LRP2: variants seen among roughly 807,000 people sequenced by gnomAD.
LRP2 encodes the protein low-density lipoprotein receptor-related protein 2.
Under a neutral mutation model 531.0 loss-of-function variants are expected in LRP2, and 172 were observed. The ratio of observed to expected loss-of-function variants is 0.32; its 90% CI spans 0.29 to 0.37. The LOEUF (loss-of-function observed/expected upper bound fraction) is 0.37. Ranked by LOEUF, LRP2 falls within the 10% of genes least tolerant of loss-of-function variation. The pLI is 1.00. For missense variants in LRP2, 5,167 were observed against 5,868.3 expected (o/e 0.88, Z 3.90); for synonymous variants, 1,992 against 2,027.6 (o/e 0.98, Z 0.47).
intron 9 of LRP2, among the ~76,000 whole-genome samples, chr2:169,288,366 G>C (rs905973928): frequency 6.6e-6 from 1 of 152,172 alleles, no homozygotes; most frequent in South Asian, 2.1e-4. Context: ...GGAGAGATAT[G>C]AGGAAATAGT....
intron 16 of LRP2, among the ~76,000 whole-genome samples, chr2:169,264,889 C>T (rs949015437): frequency 3.9e-5 from 6 of 152,010 alleles, no homozygotes; most frequent in African/African-American, 1.4e-4. Flanking sequence ...GGAGCTGAAG[C>T]AGAATGGCTA....
At position 169,202,958 on chromosome 2, in the gene LRP2, A is replaced by T. The variant is rs1431831220; in HGVS notation, c.8007T>A (p.Gly2669=). The change falls in exon 43 of 79, where the codon GGT becomes GGA. Residue 2669 remains glycine, a splice_region_variant and synonymous_variant. Transcript: ENST00000649046. ...GACACTGGCACTCGGCACCATTTGG[A>T]CCTGAAGAAAGATAATCCCAGAAGA... ...NGGCSHICAP[G]PNGAECQCPH... 1.2e-6 allele frequency: 2 copies of T among 1,614,014 alleles called. No homozygotes were observed.
Position 169,362,301 on chromosome 2 carries a change from G to A in LRP2, c.79+20C>T. ...CCGGGGAAGTGGGGGCTCCACGAGA[G>A]GCTCTGGCTGGGCTCTTACCTTGGC... On this transcript the variant is annotated intron_variant, in intron 1 of 78. Transcript: ENST00000649046. The A allele has an allele frequency of 1.3e-6, 2 of 1,546,668 alleles. No homozygotes were observed. Among genetic ancestry groups the A allele is most frequent in the Non-Finnish European group, 1.7e-6 (2 of 1,143,740 alleles).
At chr2:169,287,490 T>A (rs566579665) in intron 9 of LRP2, among the ~76,000 whole-genome samples, 1 of 152,258 alleles carries the variant, frequency 6.6e-6, no homozygotes, top group Admixed American at 6.5e-5. Context: ...AAATCTAATT[T>A]TTTTTGGCAT....
At chr2:169,349,203 G>T (rs541049565) in intron 1 of LRP2, among the ~76,000 whole-genome samples, 2 of 152,072 alleles carry the variant, frequency 1.3e-5, no homozygotes, top group Non-Finnish European at 2.9e-5. Flanking sequence ...GGTGGTAAGC[G>T]CAATGGAGAA....
intron 64 of LRP2, 113 bp downstream of exon 64, chr2:169,157,258 G>C: frequency 8.9e-7 from 1 of 1,121,162 alleles, no homozygotes; most frequent in Non-Finnish European, 1.3e-6. Flanking sequence ...ATGAAACCAT[G>C]AGTATGGTAC....
At chr2:169,272,881 A>G (rs763388118) in intron 15 of LRP2, 46 bp downstream of exon 15, 82 of 1,611,460 alleles carry the variant, frequency 5.1e-5, no homozygotes, top group Non-Finnish European at 6.3e-5. Context: ...TTGGACACAC[A>G]TACACCTGTG....
chr2:169,347,859 C>CA (rs1685736381), intron 1 of LRP2, among the ~76,000 whole-genome samples: 2 of 152,020 alleles, frequency 1.3e-5, no homozygotes, highest in South Asian at 2.1e-4. Context: ...CCAAGAGTAG[C>CA]AAAAAAATGT....
At chr2:169,362,278 G>C (rs1388955449) in intron 1 of LRP2, 43 bp downstream of exon 1, 2 of 1,497,022 alleles carry the variant, frequency 1.3e-6, no homozygotes, top group Admixed American at 3.9e-5. Context: ...TGCCACAGCC[G>C]GGGAAGTGGG....
intron 63 of LRP2, among the ~76,000 whole-genome samples, chr2:169,160,690 A>AAGAC: frequency 6.8e-6 from 1 of 147,192 alleles, no homozygotes; most frequent in African/African-American, 2.5e-5. Context: ...CTTAAAAAAA[A>AAGAC]AAAAACCTGC....
intron 1 of LRP2, among the ~76,000 whole-genome samples, chr2:169,346,368 T>C (rs1370555199): frequency 1.3e-5 from 2 of 152,226 alleles, no homozygotes; most frequent in African/African-American, 4.8e-5. Context: ...GCAAATTCTT[T>C]CAACACTTCA....
chr2:169,177,706 C>T lies in LRP2; in HGVS notation c.10393+97G>A, dbSNP rs72874761. ...TTGAAGAAAACACTAACAAGTGCAA[C>T]AAACTTTTTGTAAATCACGAAGTTC... On this transcript the variant is annotated intron_variant, in intron 53 of 78. Coordinates refer to ENST00000649046, the MANE Select transcript of LRP2 (RefSeq NM_004525.3). The T allele has an allele frequency of 0.016, 17,424 of 1,080,076 alleles. 196 individuals carry two copies. The highest frequency in any genetic ancestry group is 0.039 in the Middle Eastern group (194 of 5,000). 66.9% of individuals were successfully genotyped at this position (1,080,076 alleles called of 1,614,324 possible).
At chr2:169,263,104 T>A (rs952507086) in intron 16 of LRP2, among the ~76,000 whole-genome samples, 1 of 152,172 alleles carries the variant, frequency 6.6e-6, no homozygotes, top group African/African-American at 2.4e-5. Flanking sequence ...TCAAGATGGC[T>A]TAAAGACTTA....
chr2:169,147,635 T>G (rs915411083), intron 68 of LRP2, among the ~76,000 whole-genome samples: 2 of 152,174 alleles, frequency 1.3e-5, no homozygotes, highest in Non-Finnish European at 2.9e-5. Flanking sequence ...TAAATATGTC[T>G]TTTGCATCCA....
chr2:169,246,693 A>G lies in LRP2; in HGVS notation c.3190+12T>C, dbSNP rs1690018288. On this transcript the variant is annotated intron_variant, in intron 21 of 78. Transcript: ENST00000649046. ...TCATCCCAGGAAATATCGCCAGTGC[A>G]TAGCTACTTACTAAGTGTGCCACAT... 1.9e-6 allele frequency: 3 copies of G among 1,614,150 alleles called. No individual in the cohort carries two copies. Among genetic ancestry groups the G allele is most frequent in the African/African-American group, 2.7e-5 (2 of 75,062 alleles).
At position 169,209,460 on chromosome 2, in the gene LRP2, C is replaced by T. The variant is rs748992804; in HGVS notation, c.6462G>A (p.Trp2154Ter). The T allele has an allele frequency of 3.1e-6, 5 of 1,613,862 alleles. No individual in the cohort carries two copies. The highest frequency in any genetic ancestry group is 4.2e-6 in the Non-Finnish European group (5 of 1,179,822). The change falls in exon 38 of 79, where the codon TGG (tryptophan) becomes TGA (stop). Residue 2154 changes from tryptophan to a stop codon, truncating the protein, a stop_gained. Transcript: ENST00000649046. LOFTEE classifies it high-confidence loss of function. ...ENGVRGIAVD[W>*]VAGNLYFTNA... is the part of the protein sequence containing the mutation. ...ACCATATAGCTTACATACCTGCTAC[C>T]CAATCCACTGCAATACCCCGGACTC...
In LRP2 at chr2:169,202,862, A is replaced by G. The variant is rs755440800; in HGVS notation, c.8103T>C (p.Gly2701=). The change falls in exon 43 of 79, where the codon GGT becomes GGC. Residue 2701 remains glycine (G), a synonymous_variant. Transcript: ENST00000649046. ...HCIVDNGERC[G]ASSFTCSNGR... is the part of the protein sequence containing the mutation. The stretch of plus-strand genomic sequence containing the variant: ...CATTGGAGCAGGTGAAGGAAGATGC[A>G]CCACATCGTTCACCATTGTCCACAA... The G allele has an allele frequency of 1.9e-6, 3 of 1,614,076 alleles. No individual in the cohort carries two copies. The highest frequency in any genetic ancestry group is 2.5e-6 in the Non-Finnish European group (3 of 1,180,030).
chr2:169,309,238 T>A (rs1334267599), intron 3 of LRP2, among the ~76,000 whole-genome samples: 1 of 152,212 alleles, frequency 6.6e-6, no homozygotes, highest in East Asian at 1.9e-4. Context: ...TGAGATCCCA[T>A]TTATCAATTT....
In LRP2 at chr2:169,246,888, C is replaced by T. The variant is rs1559038758; in HGVS notation, c.3007G>A (p.Gly1003Arg). The part of the protein sequence containing the change: ...NFQRVCGCPY[G>R]MRLASNHLTC... ...AAGTGATTGGAAGCCAGCCTCATTC[C>T]ATAAGGGCACCCACACACTCGCTGG... is the stretch of plus-strand genomic sequence containing the variant. The change falls in exon 21 of 79, where the codon GGA (glycine) becomes AGA (arginine). Residue 1003 changes from glycine (G) to arginine (R), a missense_variant. Gly to Arg is a moderately radical substitution (Grantham distance 125). Transcript: ENST00000649046. The T allele has an allele frequency of 6.2e-7, 1 of 1,614,170 alleles. No homozygotes were observed. The highest frequency in any genetic ancestry group is 8.5e-7 in the Non-Finnish European group (1 of 1,180,036).
Sources: allele counts gnomAD v4.1 joint callset (sites outside exome capture counted in the v4.1 genomes callset), GRCh38; gene constraint gnomAD v4.1.1; transcripts MANE v1.5; gene names NCBI Gene and HGNC (gene_info 2026-07-23, HGNC 2026-07-21).